The following ZBTB7B variants were observed in gnomAD, a reference collection of about 807,000 sequenced individuals.
ZBTB7B encodes zinc finger and BTB domain containing 7B.
Under a neutral mutation model 31.0 loss-of-function variants are expected in ZBTB7B, and 8 were observed. That is an observed-to-expected ratio of 0.26 (90% CI 0.15 to 0.47). ZBTB7B has a LOEUF of 0.47. ZBTB7B is among the 20% of genes least tolerant of loss of function. ZBTB7B has a pLI of 0.99. For synonymous variants in ZBTB7B, 261 were observed against 307.3 expected, an observed-to-expected ratio of 0.85 and a Z score of 1.58; for missense variants, 494 against 742.4, an observed-to-expected ratio of 0.67 and a Z score of 3.89.
intron 1 of ZBTB7B, among the ~76,000 whole-genome samples, chr1:155,006,973 G>C (rs1294018535): frequency 6.6e-6 from 1 of 152,142 alleles, no homozygotes; most frequent in African/African-American, 2.4e-5. Context: ...TTCTCAAGGG[G>C]GACTACAACT....
At position 155,017,409 on chromosome 1, in the gene ZBTB7B, C is replaced by T. The variant is rs1442581934; in HGVS notation, c.*724C>T. ...CGCTCCGTTCCACTCCCCTCCCTAGCCCTCCCTCCCCACGGCCCTGGGCAG... is the reference window on the plus strand; with the variant it reads ...CGCTCCGTTCCACTCCCCTCCCTAGTCCTCCCTCCCCACGGCCCTGGGCAG... On this transcript the variant is annotated 3_prime_UTR_variant, in exon 3 of 3. Coordinates refer to ENST00000535420, the MANE Select transcript of ZBTB7B (RefSeq NM_001256455.2). 2 of 147,068 alleles carry T rather than the reference C, an allele frequency of 1.4e-5. No homozygotes were observed. Among genetic ancestry groups the T allele is most frequent in the African/African-American group, 4.9e-5 (2 of 41,040 alleles). The allele number at this position is 147,068 out of a possible 1,614,324, so 9.1% of individuals were successfully genotyped here.
upstream of ZBTB7B, among the ~76,000 whole-genome samples, chr1:155,002,098 C>G (rs1389956522): frequency 6.6e-6 from 1 of 151,394 alleles, no homozygotes; most frequent in Non-Finnish European, 1.5e-5. Context: ...TCCCTGGCCG[C>G]TGCGGACACT....
chr1:155,007,666 G>A (rs1658644806), intron 1 of ZBTB7B, among the ~76,000 whole-genome samples: 1 of 152,180 alleles, frequency 6.6e-6, no homozygotes, highest in South Asian at 2.1e-4. Flanking sequence ...CCGTCTGGCT[G>A]GCACCAAGGC....
chr1:155,007,648 G>A (rs531334276), intron 1 of ZBTB7B, among the ~76,000 whole-genome samples: 214 of 152,296 alleles, frequency 1.4e-3, no homozygotes, highest in African/African-American at 4.9e-3. Context: ...AGGCCTAGGG[G>A]CCTGGGCCCG....
chr1:155,013,261 C>A (rs1659123903), intron 1 of ZBTB7B, among the ~76,000 whole-genome samples: 1 of 152,194 alleles, frequency 6.6e-6, no homozygotes, highest in Non-Finnish European at 1.5e-5. Context: ...TGTTTAAGGT[C>A]ATGGAGCTAA....
upstream of ZBTB7B, among the ~76,000 whole-genome samples, chr1:155,002,420 G>C (rs1424198033): frequency 6.7e-6 from 1 of 148,482 alleles, no homozygotes; most frequent in African/African-American, 2.5e-5. Flanking sequence ...AAGGCTAGGA[G>C]AGCTAAGTAA....
chr1:155,015,054 T>A lies in ZBTB7B; in HGVS notation c.394T>A (p.Cys132Ser). 1 of 1,613,852 alleles carries A rather than the reference T, an allele frequency of 6.2e-7. No homozygotes were observed. The highest frequency in any genetic ancestry group is 8.5e-7 in the Non-Finnish European group (1 of 1,180,004). ...LQAARLLEIP[C>S]VIAACMEILQ... ...GGCTGCCCGCCTGCTGGAGATCCCG[T>A]GTGTCATCGCTGCTTGCATGGAGAT... is the stretch of plus-strand genomic sequence containing the variant. The change falls in exon 2 of 3, where the codon TGT (cysteine) becomes AGT (serine). Residue 132 changes from cysteine to serine, a missense_variant. Transcript: ENST00000535420.
At chr1:155,009,170 C>T (rs1056526270) in intron 1 of ZBTB7B, among the ~76,000 whole-genome samples, 1 of 152,142 alleles carries the variant, frequency 6.6e-6, no homozygotes, top group Non-Finnish European at 1.5e-5. Context: ...TTTAAGGGGA[C>T]CCGAGCAGAT....
Position 155,016,715 on chromosome 1 carries a change from C to T in ZBTB7B, c.*30C>T, listed in dbSNP as rs748485119. On this transcript the variant is annotated 3_prime_UTR_variant, in exon 3 of 3. Coordinates refer to ENST00000535420, the MANE Select transcript of ZBTB7B (RefSeq NM_001256455.2). This position sits in a 1 kb window ranked among gnomAD's most constrained non-coding sequence, Gnocchi z 4.3. The stretch of plus-strand genomic sequence containing the variant: ...GGACGAGGGCCAGACTGAAGCAGCA[C>T]AAGGCCGGGGACACCCATGCCAAGC... The T allele has an allele frequency of 6.0e-5, 79 of 1,308,306 alleles. No individual in the cohort carries two copies. The highest frequency in any genetic ancestry group is 7.3e-5 in the Non-Finnish European group (70 of 957,198). The allele number at this position is 1,308,306 out of a possible 1,614,324, so 81.0% of individuals were successfully genotyped here. A position where few individuals can be genotyped will look rare whatever the true frequency, so the allele number is the denominator to read the frequency against.
rs747400597 is a variant in ZBTB7B, at chr1:155,016,597, C to G, written c.1532C>G (p.Pro511Arg). Residue 511 changes from proline (P) to arginine (R), a missense_variant, in exon 3 of 3, where the codon CCG becomes CGG. Around this residue, in one of 5 missense-constraint regions of ZBTB7B, gnomAD observed 101 missense variants for 119.5 expected, o/e 0.85. Coordinates refer to ENST00000535420, the MANE Select transcript of ZBTB7B (RefSeq NM_001256455.2). This position sits in a 1 kb window ranked among gnomAD's most constrained non-coding sequence, Gnocchi z 4.3. ...FWEQSAPTGPPVSTPGPPDDD... is the reference protein window; with the variant it reads ...FWEQSAPTGPRVSTPGPPDDD... ...GAGCAGTCAGCCCCCACTGGGCCCC[C>G]GGTCTCTACCCCAGGGCCCCCTGAT... 3.7e-6 allele frequency: 6 copies of G among 1,612,942 alleles called. No individual in the cohort carries two copies. The highest frequency in any genetic ancestry group is 5.1e-6 in the Non-Finnish European group (6 of 1,179,196).
Position 155,018,359 on chromosome 1 carries a change from C to T in ZBTB7B, c.*1674C>T. On this transcript the variant is annotated 3_prime_UTR_variant, in exon 3 of 3. Transcript: ENST00000535420. ...GGGCTGGGGAGACCTGGGGCCCAGCCCCAGAAAGTGGGGACAATGTGGCCT... is the reference window on the plus strand; with the variant it reads ...GGGCTGGGGAGACCTGGGGCCCAGCTCCAGAAAGTGGGGACAATGTGGCCT... The T allele has an allele frequency of 1.6e-6, 1 of 633,596 alleles. No individual in the cohort carries two copies. The highest frequency in any genetic ancestry group is 4.3e-4 in the Middle Eastern group (1 of 2,318). The allele number at this position is 633,596 out of a possible 1,614,324, so 39.2% of individuals were successfully genotyped here.
rs2102327357 is a variant in ZBTB7B at position 155,018,203 on chromosome 1, T to A, written c.*1518T>A. On this transcript the variant is annotated 3_prime_UTR_variant, in exon 3 of 3. Coordinates refer to ENST00000535420, the MANE Select transcript of ZBTB7B (RefSeq NM_001256455.2). ...AGGTACCCCTAACAGTGGGGAGGGG[T>A]CACAGGGAGGGGGTAGCGGGACCAG... is the stretch of plus-strand genomic sequence containing the variant. 7.7e-6 allele frequency: 2 copies of A among 258,974 alleles called. No individual in the cohort carries two copies. Among genetic ancestry groups the A allele is most frequent in the South Asian group, 8.7e-5 (2 of 22,964 alleles). The allele number at this position is 258,974 out of a possible 1,614,324, so 16.0% of individuals were successfully genotyped here.
chr1:155,014,595 T>G lies in ZBTB7B; in HGVS notation c.-6-60T>G. On this transcript the variant is annotated intron_variant, in intron 1 of 2. Coordinates refer to ENST00000535420, the MANE Select transcript of ZBTB7B (RefSeq NM_001256455.2). ...AATAAGTATTGGCTAAAGTTGGTCC[T>G]CTTTCCCCAGACCCCTGTGGGCTGA... 2.6e-6 allele frequency: 4 copies of G among 1,521,554 alleles called. No homozygotes were observed. In the South Asian group the frequency reaches 5.0e-5, roughly 19 times the overall value. 94.3% of individuals were successfully genotyped at this position (1,521,554 alleles called of 1,614,324 possible).
rs1323082090 is a variant in ZBTB7B, at chr1:155,016,841, G to A, written c.*156G>A. ...CCCAGAGCCCTCATTCCAATTCCAAGCTAAGAAGGTATTGGGGCAGAGGCT... is the reference window on the plus strand; with the variant it reads ...CCCAGAGCCCTCATTCCAATTCCAAACTAAGAAGGTATTGGGGCAGAGGCT... On this transcript the variant is annotated 3_prime_UTR_variant, in exon 3 of 3. Coordinates refer to ENST00000535420, the MANE Select transcript of ZBTB7B (RefSeq NM_001256455.2). The surrounding 1 kb of genome is among the most constrained non-coding windows in gnomAD (Gnocchi z 4.3). 3 of 588,106 alleles carry A rather than the reference G, an allele frequency of 5.1e-6. No individual in the cohort carries two copies. The highest frequency in any genetic ancestry group is 9.0e-6 in the Non-Finnish European group (3 of 332,144). 36.4% of individuals were successfully genotyped at this position (588,106 alleles called of 1,614,324 possible).
At chr1:155,011,114 C>G in intron 1 of ZBTB7B, 2 of 1,112,132 alleles carry the variant, frequency 1.8e-6, no homozygotes, top group Non-Finnish European at 2.6e-6. Context: ...GCCTGCTGCC[C>G]CCCACACTAA....
chr1:155,002,228 G>GGC (rs1658266883), upstream of ZBTB7B, among the ~76,000 whole-genome samples: 2 of 152,052 alleles, frequency 1.3e-5, no homozygotes, highest in Non-Finnish European at 2.9e-5. Context: ...GAGCGGACAG[G>GGC]GCGGTGGCGT....
At chr1:155,013,367 C>A (rs972790951) in intron 1 of ZBTB7B, among the ~76,000 whole-genome samples, 4 of 152,238 alleles carry the variant, frequency 2.6e-5, no homozygotes, top group Non-Finnish European at 4.4e-5. Context: ...TCCAGACCCA[C>A]AAAATGTCAG....
rs1300436045 is a variant in ZBTB7B, at chr1:155,011,066, G to A, written c.-6-3589G>A. ...GGGGGCTCTGCGTGCCTGTGTCCCA[G>A]GCCCATATCTATTTTCTCTGCTGCT... On this transcript the variant is annotated intron_variant, in intron 1 of 2. Coordinates refer to ENST00000535420, the MANE Select transcript of ZBTB7B (RefSeq NM_001256455.2). 5 of 1,407,944 alleles carry A rather than the reference G, an allele frequency of 3.6e-6. No individual in the cohort carries two copies. The African/African-American group carries it at 7.1e-5, about 20-fold the overall frequency. 87.2% of individuals were successfully genotyped at this position (1,407,944 alleles called of 1,614,324 possible). A position where few individuals can be genotyped will look rare whatever the true frequency, so the allele number is the denominator to read the frequency against.
intron 1 of ZBTB7B, among the ~76,000 whole-genome samples, chr1:155,008,935 C>G (rs1658746311): frequency 6.6e-6 from 1 of 152,178 alleles, no homozygotes; most frequent in Non-Finnish European, 1.5e-5. Context: ...CTGTCCCAAC[C>G]TGCTGCCCCC....
Sources: allele counts gnomAD v4.1 joint callset (sites outside exome capture counted in the v4.1 genomes callset), GRCh38; gene constraint gnomAD v4.1.1; regional missense constraint gnomAD v4.1.1; non-coding constraint Gnocchi (gnomAD v3.1); transcripts MANE v1.5; gene names NCBI Gene and HGNC (gene_info 2026-07-23, HGNC 2026-07-21).